KAZN: variants seen among roughly 807,000 people sequenced by gnomAD.
KAZN encodes the protein kazrin.
A neutral mutation model predicts 87.4 loss-of-function variants in KAZN; 40 were observed. The ratio of observed to expected loss-of-function variants is 0.46; its 90% confidence interval spans 0.36 to 0.60. KAZN has a LOEUF of 0.60. Ranked by LOEUF, KAZN falls within the 20% of genes least tolerant of loss-of-function variation. KAZN has a pLI of 0.00. For missense variants in KAZN, 898 were observed against 1,073.9 expected (o/e 0.84, Z 2.29); for synonymous variants, 466 against 458.3 (o/e 1.02, Z -0.22).
chr1:15,062,324 A>G (rs1012161136), intron 6 of KAZN: 4 of 152,680 alleles, frequency 2.6e-5, no homozygotes, highest in Non-Finnish European at 5.9e-5. Context: ...TCCTATCCAG[A>G]GTGGAACTAT....
chr1:14,472,885 T>C (rs1668529869), intron 2 of KAZN, among the ~76,000 whole-genome samples: 1 of 152,218 alleles, frequency 6.6e-6, no homozygotes, highest in Non-Finnish European at 1.5e-5. Flanking sequence ...GTCGATTAGA[T>C]ATGGGCCCTC....
At chr1:15,037,002 G>A (rs931633050) in intron 3 of KAZN, among the ~76,000 whole-genome samples, 2 of 152,156 alleles carry the variant, frequency 1.3e-5, no homozygotes, top group African/African-American at 4.8e-5. Flanking sequence ...AGAGCCTACG[G>A]GCCTTCCCCC....
chr1:15,074,888 T>C (rs767930486), intron 8 of KAZN, among the ~76,000 whole-genome samples: 2 of 152,154 alleles, frequency 1.3e-5, no homozygotes, highest in Non-Finnish European at 2.9e-5. Context: ...CCAATATGTA[T>C]ACAAGGCTTA....
intron 1 of KAZN, among the ~76,000 whole-genome samples, chr1:13,946,282 T>C (rs1641143867): frequency 6.6e-6 from 1 of 152,170 alleles, no homozygotes; most frequent in Non-Finnish European, 1.5e-5. Context: ...GCATGGTTTT[T>C]GTTTTCTCAA....
At chr1:14,228,979 G>A (rs569272403) in intron 2 of KAZN, among the ~76,000 whole-genome samples, 2 of 152,226 alleles carry the variant, frequency 1.3e-5, no homozygotes, top group Non-Finnish European at 2.9e-5. Flanking sequence ...CCACACAGTG[G>A]CATGCTAACA....
chr1:14,940,267 G>A (rs1385775119), intron 1 of KAZN, among the ~76,000 whole-genome samples: 1 of 152,218 alleles, frequency 6.6e-6, no homozygotes, highest in Non-Finnish European at 1.5e-5. Flanking sequence ...AATACCTTCA[G>A]GGATTGGAAA....
intron 1 of KAZN, among the ~76,000 whole-genome samples, chr1:14,054,049 G>A (rs1642447611): frequency 6.6e-6 from 1 of 152,066 alleles, no homozygotes; most frequent in South Asian, 2.1e-4. Context: ...AGAAGAGCAG[G>A]AAGGGGAGGG....
chr1:14,411,366 C>A (rs1019235448), intron 2 of KAZN, among the ~76,000 whole-genome samples: 1 of 152,206 alleles, frequency 6.6e-6, no homozygotes, highest in African/African-American at 2.4e-5. Flanking sequence ...GTGATCACAG[C>A]TCAGTGTAAC....
chr1:14,834,947 G>C (rs1339302633), intron 1 of KAZN, among the ~76,000 whole-genome samples: 1 of 152,162 alleles, frequency 6.6e-6, no homozygotes, highest in Non-Finnish European at 1.5e-5. Flanking sequence ...TGCTGCAGAA[G>C]ACTTCTTTAG....
At chr1:14,405,270 C>G (rs1188057778) in intron 2 of KAZN, among the ~76,000 whole-genome samples, 1 of 152,132 alleles carries the variant, frequency 6.6e-6, no homozygotes, top group East Asian at 1.9e-4. Flanking sequence ...GGGTATGAGC[C>G]TGTTTGAGTT....
chr1:14,494,369 C>A (rs1669834570), intron 2 of KAZN, among the ~76,000 whole-genome samples: 2 of 152,134 alleles, frequency 1.3e-5, no homozygotes, highest in African/African-American at 4.8e-5. Context: ...TTGCTACCTG[C>A]TCTTATGCTG....
chr1:14,517,184 G>T (rs1370566254), intron 2 of KAZN, among the ~76,000 whole-genome samples: 3 of 152,112 alleles, frequency 2.0e-5, no homozygotes, highest in African/African-American at 7.2e-5. Context: ...CAGGCTATGA[G>T]ACTCAAGTCT....
At chr1:14,774,847 C>A (rs969288412) in intron 1 of KAZN, among the ~76,000 whole-genome samples, 12 of 152,090 alleles carry the variant, frequency 7.9e-5, no homozygotes, top group Admixed American at 2.6e-4. Context: ...CCTCCAAGTC[C>A]GTGGTACATC....
In KAZN at chr1:15,056,257, C is replaced by T. The variant is rs776808823; in HGVS notation, c.893C>T (p.Pro298Leu). 3 of 1,609,096 alleles carry T rather than the reference C, an allele frequency of 1.9e-6. No homozygotes were observed. The highest frequency in any genetic ancestry group is 2.6e-6 in the Non-Finnish European group (3 of 1,175,976). The change falls in exon 5 of 15, where the codon CCC becomes CTC. Residue 298 changes from proline to leucine, a missense_variant. Physicochemically the swap from Pro to Leu is moderately conservative, Grantham distance 98. This residue lies in a region of KAZN where 521 missense variants were observed against 689.4 expected (regional missense o/e 0.76). Coordinates refer to ENST00000376030, the MANE Select transcript of KAZN (RefSeq NM_201628.3). The surrounding 1 kb of genome is among the most constrained non-coding windows in gnomAD (Gnocchi z 5.4). ...QSQQTLYHSHPPHPADRQAVR... is the reference protein window; with the variant it reads ...QSQQTLYHSHLPHPADRQAVR... ...CAACAGACTCTCTACCACTCACACC[C>T]CCCTCACCCTGCGGACCGGCAAGGT... is the stretch of plus-strand genomic sequence containing the variant.
At chr1:13,924,074 T>G (rs929020983) in intron 1 of KAZN, among the ~76,000 whole-genome samples, 1 of 152,142 alleles carries the variant, frequency 6.6e-6, no homozygotes, top group African/African-American at 2.4e-5. Flanking sequence ...GATAATGTTC[T>G]CTCTGTACTT....
chr1:14,455,464 T>C (rs1393822507), intron 2 of KAZN, among the ~76,000 whole-genome samples: 1 of 152,200 alleles, frequency 6.6e-6, no homozygotes, highest in Non-Finnish European at 1.5e-5. Flanking sequence ...CTGCGTTTGT[T>C]AAATTGGGAT....
chr1:14,346,224 C>T (rs1658097669), intron 2 of KAZN, among the ~76,000 whole-genome samples: 1 of 152,164 alleles, frequency 6.6e-6, no homozygotes. Context: ...CAAGACTCTT[C>T]CCACCACTGA....
intron 2 of KAZN, among the ~76,000 whole-genome samples, chr1:14,424,366 C>T (rs956524589): frequency 1.3e-4 from 20 of 152,292 alleles, no homozygotes; most frequent in Admixed American, 1.2e-3. Context: ...TTAGGCCCTT[C>T]GTCTAAAGTC....
chr1:14,149,370 G>C (rs1160754463), intron 1 of KAZN, among the ~76,000 whole-genome samples: 1 of 151,878 alleles, frequency 6.6e-6, no homozygotes, highest in South Asian at 2.1e-4. Flanking sequence ...GCCTCCCAAA[G>C]TGCTGGGATT....
Sources: allele counts gnomAD v4.1 joint callset (sites outside exome capture counted in the v4.1 genomes callset), GRCh38; gene constraint gnomAD v4.1.1; regional missense constraint gnomAD v4.1.1; non-coding constraint Gnocchi (gnomAD v3.1); transcripts MANE v1.5; gene names NCBI Gene and HGNC (gene_info 2026-07-23, HGNC 2026-07-21).